The following RPS16 variants were observed in gnomAD, a reference collection of about 807,000 sequenced individuals.
The protein encoded by RPS16 is small ribosomal subunit protein uS9.
A neutral mutation model predicts 20.1 loss-of-function variants in RPS16; 2 were observed. The ratio of observed to expected loss-of-function variants is 0.10; its 90% CI spans 0.04 to 0.31. RPS16 has a LOEUF of 0.31. RPS16 is among the 10% of genes least tolerant of loss of function. The probability of loss-of-function intolerance (pLI) is 1.00; values close to 1 mark genes in which losing one functional copy is unlikely to be tolerated. For synonymous variants in RPS16, 95 were observed against 76.1 expected (o/e 1.25, Z -1.29); for missense variants, 129 against 198.6 (o/e 0.65, Z 2.11).
chr19:39,435,913 AG>A lies in RPS16; in HGVS notation c.-19del, dbSNP rs1450905390. ...GACGGCATGGCTCCGAGCGTGGACT[AG>A]ACAACCTCACCGCGCGGCGCCGCAA... On this transcript the variant is annotated 5_prime_UTR_variant, in exon 1 of 5. Coordinates refer to ENST00000251453, the MANE Select transcript of RPS16 (RefSeq NM_001020.6). The A allele has an allele frequency of 8.1e-6, 13 of 1,603,400 alleles. No homozygotes were observed. The Admixed American group carries it at 1.0e-4, about 12-fold the overall frequency.
intron 3 of RPS16, 34 bp downstream of exon 3, chr19:39,433,631 C>G (rs1321972678): frequency 6.2e-7 from 1 of 1,614,222 alleles, no homozygotes; most frequent in Admixed American, 1.7e-5. Flanking sequence ...CTCCCAGAGC[C>G]ACCTCCTCCA....
At position 39,435,306 on chromosome 19, in the gene RPS16, A is replaced by G. The variant is rs781225948; in HGVS notation, c.150+301T>C. 1.7e-4 allele frequency: 55 copies of G among 329,684 alleles called. No homozygotes were observed. The East Asian group carries it at 2.6e-3, about 15-fold the overall frequency. The allele number at this position is 329,684 out of a possible 1,614,324, so 20.4% of individuals were successfully genotyped here. A position where few individuals can be genotyped will look rare whatever the true frequency, so the allele number is the denominator to read the frequency against. On this transcript the variant is annotated intron_variant, in intron 2 of 4. Transcript: ENST00000251453. ...ACAGCGAGACTCCCTCTCAAAACAA[A>G]TAAATAAAATAAAAAATAGTCGGTG...
In RPS16 at chr19:39,435,614, T is replaced by C. The variant is rs751705408; in HGVS notation, c.143A>G (p.Gln48Arg). 6.2e-7 allele frequency: 1 copy of C among 1,613,570 alleles called. No individual in the cohort carries two copies. The highest frequency in any genetic ancestry group is 8.5e-7 in the Non-Finnish European group (1 of 1,179,970). The change falls in exon 2 of 5, where the codon CAG becomes CGG. Residue 48 changes from glutamine (Q) to arginine (R), a missense_variant. Gln to Arg is a conservative substitution (Grantham distance 43). Transcript: ENST00000251453. ...PLEMIEPRTL[Q>R]YKLLEPVLLL... is the part of the protein sequence containing the mutation. The stretch of plus-strand genomic sequence containing the variant: ...GGTGCCGGATCCCAGCACCTTGTAC[T>C]GTAGCGTGCGCGGCTCAATCATCTC...
At position 39,435,676 on chromosome 19, in the gene RPS16, G is replaced by A; in HGVS notation, c.81C>T (p.Arg27=). 6.2e-7 allele frequency: 1 copy of A among 1,613,960 alleles called. No homozygotes were observed. The highest frequency in any genetic ancestry group is 2.2e-5 in the East Asian group (1 of 44,892). Residue 27 remains arginine, a synonymous_variant, in exon 2 of 5, where the codon CGC becomes CGT. Coordinates refer to ENST00000251453, the MANE Select transcript of RPS16 (RefSeq NM_001020.6). ...CGTTCACCTTGATGAGACCATTGCC[G>A]CGTTTGCAGTGCGCCACAGCTGTCG... The part of the protein sequence containing the change: ...KTATAVAHCK[R]GNGLIKVNGR...
intron 2 of RPS16, 24 bp downstream of exon 2, chr19:39,435,583 A>C (rs1171896374): frequency 1.2e-6 from 2 of 1,600,168 alleles, no homozygotes; most frequent in Admixed American, 1.7e-5. Context: ...CCATCCACTC[A>C]ACGCCGGTGC....
chr19:39,433,469 A>T, intron 4 of RPS16, 51 bp from the exon 5 acceptor site: 2 of 1,612,974 alleles, frequency 1.2e-6, no homozygotes, highest in Non-Finnish European at 1.7e-6. Flanking sequence ...AGAGTCCTTG[A>T]CTTGATCCCC....
chr19:39,435,809 TCTC>T (rs766168222), intron 1 of RPS16, 36 bp downstream of exon 1: 1 of 1,609,926 alleles, frequency 6.2e-7, no homozygotes, highest in Non-Finnish European at 8.5e-7. Flanking sequence ...ACCCTGGCCT[TCTC>T]CTTCCCCTCC....
chr19:39,435,764 T>C (rs1422977856), intron 1 of RPS16, 56 bp from the exon 2 acceptor site: 1 of 1,606,300 alleles, frequency 6.2e-7, no homozygotes, highest in Admixed American at 1.7e-5. Flanking sequence ...GCTCCCATGT[T>C]ACCCCCTAGA....
intron 1 of RPS16, 58 bp downstream of exon 1, chr19:39,435,790 C>T (rs1393538482): frequency 1.2e-6 from 2 of 1,608,246 alleles, no homozygotes; most frequent in Non-Finnish European, 1.7e-6. Flanking sequence ...GCCCACCGAC[C>T]TCTCCCAGAC....
At chr19:39,433,913 C>T (rs2078845054) in intron 2 of RPS16, 152 bp from the exon 3 acceptor site, 2 of 667,134 alleles carry the variant, frequency 3.0e-6, no homozygotes, top group South Asian at 3.8e-5. Flanking sequence ...CCTCTACAGA[C>T]CCAGAGAAGA....
rs1568409437 is a variant in RPS16, at chr19:39,435,728, CAG to C, written c.49-22_49-21del. ...TGTCTTCTGTAAGATACAAGAGAAA[CAG>C]GGGCCCCGTGAGCTCCGGCTCCAGC... On this transcript the variant is annotated intron_variant, in intron 1 of 4. Coordinates refer to ENST00000251453, the MANE Select transcript of RPS16 (RefSeq NM_001020.6). 11 of 1,612,346 alleles carry C rather than the reference CAG, an allele frequency of 6.8e-6. No individual in the cohort carries two copies. Among genetic ancestry groups the C allele is most frequent in the South Asian group, 2.2e-5 (2 of 91,056 alleles).
rs1456043149 is a variant in RPS16, at chr19:39,435,720, A to G, written c.49-12T>C. 6.2e-7 allele frequency: 1 copy of G among 1,612,926 alleles called. No homozygotes were observed. Among genetic ancestry groups the G allele is most frequent in the Non-Finnish European group, 8.5e-7 (1 of 1,179,790 alleles). ...GCTGTCGCTGTCTTCTGTAAGATACAAGAGAAACAGGGGCCCCGTGAGCTC... is the reference window on the plus strand; with the variant it reads ...GCTGTCGCTGTCTTCTGTAAGATACGAGAGAAACAGGGGCCCCGTGAGCTC... On this transcript the variant is annotated splice_polypyrimidine_tract_variant and intron_variant, in intron 1 of 4. Transcript: ENST00000251453.
Position 39,433,823 on chromosome 19 carries a change from T to C in RPS16, c.151-62A>G, listed in dbSNP as rs1271615147. ...ATGCTGGGCAGCTTAGCCATCTCACTGGGCTTCTTGTTTCTGTGGCTTCTG... is the reference window on the plus strand; with the variant it reads ...ATGCTGGGCAGCTTAGCCATCTCACCGGGCTTCTTGTTTCTGTGGCTTCTG... On this transcript the variant is annotated intron_variant, in intron 2 of 4. Coordinates refer to ENST00000251453, the MANE Select transcript of RPS16 (RefSeq NM_001020.6). 3.3e-6 allele frequency: 5 copies of C among 1,515,756 alleles called. No homozygotes were observed. The East Asian group carries it at 1.2e-4, about 36-fold the overall frequency. The allele number at this position is 1,515,756 out of a possible 1,614,324, so 93.9% of individuals were successfully genotyped here.
At chr19:39,435,493 C>T in intron 2 of RPS16, 114 bp downstream of exon 2, 2 of 807,314 alleles carry the variant, frequency 2.5e-6, no homozygotes, top group South Asian at 1.6e-5. Flanking sequence ...CTACACCCAA[C>T]ACAACTTCTA....
At chr19:39,435,506 C>T (rs998950713) in intron 2 of RPS16, 101 bp downstream of exon 2, 7 of 895,514 alleles carry the variant, frequency 7.8e-6, no homozygotes, top group Non-Finnish European at 1.2e-5. Flanking sequence ...AACTTCTAAA[C>T]ATCCCGTTGC....
In RPS16 at chr19:39,435,923, A is replaced by C. The variant is rs1416891028; in HGVS notation, c.-28T>G. On this transcript the variant is annotated 5_prime_UTR_variant, in exon 1 of 5. Coordinates refer to ENST00000251453, the MANE Select transcript of RPS16 (RefSeq NM_001020.6). The stretch of plus-strand genomic sequence containing the variant: ...CTCCGAGCGTGGACTAGACAACCTC[A>C]CCGCGCGGCGCCGCAACCGGAAAAG... 6.9e-6 allele frequency: 11 copies of C among 1,602,380 alleles called. No homozygotes were observed. The highest frequency in any genetic ancestry group is 1.3e-5 in the African/African-American group (1 of 74,860).
rs776832516 is a variant in RPS16 at position 39,433,240 on chromosome 19, T to A, written c.*33A>T. 4.4e-6 allele frequency: 7 copies of A among 1,609,004 alleles called. No individual in the cohort carries two copies. The South Asian group carries it at 7.7e-5, about 18-fold the overall frequency. ...ACTTTAAAATCCCTCAAAAACTGTT[T>A]ATTATACAAGTGAGTTTTGAGTCAC... On this transcript the variant is annotated 3_prime_UTR_variant, in exon 5 of 5. Coordinates refer to ENST00000251453, the MANE Select transcript of RPS16 (RefSeq NM_001020.6).
intron 2 of RPS16, chr19:39,434,767 G>A (rs2146042342): frequency 6.6e-6 from 1 of 152,322 alleles, no homozygotes; most frequent in Non-Finnish European, 1.5e-5. Flanking sequence ...AGTTCATTAG[G>A]ATTGTGCTAT....
chr19:39,433,299 C>T lies in RPS16; in HGVS notation c.415G>A (p.Ala139Thr), dbSNP rs933613497. Reference sequence around the variant, plus strand: ...TATCGGTAGGATTTCTGGTAGCGAGCGCGGGCACCAGGGCCTCCAAACTTT... The same window carrying T: ...TATCGGTAGGATTTCTGGTAGCGAGTGCGGGCACCAGGGCCTCCAAACTTT... ...SKKFGGPGARARYQKSYR is the reference protein window; with the variant it reads ...SKKFGGPGARTRYQKSYR The change falls in exon 5 of 5, where the codon GCT becomes ACT. Residue 139 changes from alanine to threonine, a missense_variant. Coordinates refer to ENST00000251453, the MANE Select transcript of RPS16 (RefSeq NM_001020.6). 9.3e-6 allele frequency: 15 copies of T among 1,613,094 alleles called. No homozygotes were observed. The highest frequency in any genetic ancestry group is 1.3e-5 in the African/African-American group (1 of 75,000).
Sources: allele counts gnomAD v4.1 joint callset, GRCh38; gene constraint gnomAD v4.1.1; transcripts MANE v1.5; gene names NCBI Gene and HGNC (gene_info 2026-07-23, HGNC 2026-07-21).